SLC1A3: variants seen among roughly 807,000 people sequenced by gnomAD.
SLC1A3 encodes the protein excitatory amino acid transporter 1.
In SLC1A3, 21 loss-of-function variants were observed where a neutral mutation model predicts 48.1. That is an observed-to-expected ratio of 0.44 (90% CI 0.31 to 0.63). The LOEUF (loss-of-function observed/expected upper bound fraction) is 0.63, where lower values mean the gene tolerates loss of function less well. SLC1A3 is among the 20% of genes least tolerant of loss of function. The probability of loss-of-function intolerance (pLI) is 0.08; values close to 1 mark genes in which losing one functional copy is unlikely to be tolerated. For missense variants in SLC1A3, 546 were observed against 689.0 expected (o/e 0.79, Z 2.32); for synonymous variants, 239 against 251.4 (o/e 0.95, Z 0.47).
At chr5:36,671,426 G>A (rs1008960217) in intron 4 of SLC1A3, among the ~76,000 whole-genome samples, 193 bp downstream of exon 4, 4 of 152,132 alleles carry the variant, frequency 2.6e-5, no homozygotes, top group African/African-American at 4.8e-5. Flanking sequence ...TATGAGAGAG[G>A]CGAAAAGAGC....
intron 2 of SLC1A3, among the ~76,000 whole-genome samples, chr5:36,613,935 C>T (rs180864169): frequency 6.6e-6 from 1 of 152,206 alleles, no homozygotes; most frequent in East Asian, 1.9e-4. Flanking sequence ...ACACATGTAC[C>T]CACAGCACAC....
chr5:36,616,914 G>T (rs1310880874), intron 2 of SLC1A3, among the ~76,000 whole-genome samples: 1 of 152,120 alleles, frequency 6.6e-6, no homozygotes, highest in Non-Finnish European at 1.5e-5. Flanking sequence ...ATTTATTTTT[G>T]TTTTCTTAGA....
intron 3 of SLC1A3, among the ~76,000 whole-genome samples, chr5:36,665,823 T>C (rs1383781789): frequency 1.3e-5 from 2 of 152,174 alleles, no homozygotes; most frequent in African/African-American, 4.8e-5. Context: ...GTCTCTTAGA[T>C]TACATTCCGA....
chr5:36,601,195 GCAAA>G (rs1738803774), intron 1 of SLC1A3, among the ~76,000 whole-genome samples: 1 of 152,120 alleles, frequency 6.6e-6, no homozygotes, highest in Admixed American at 6.6e-5. Context: ...TTCTATACCA[GCAAA>G]CAGTTATAAA....
At position 36,685,213 on chromosome 5, in the gene SLC1A3, T is replaced by A. The variant is rs373309191; in HGVS notation, c.1425-852T>A. Among the ~76,000 whole-genome samples, 10 of 152,362 alleles carry A rather than the reference T, an allele frequency of 6.6e-5. No individual in the cohort carries two copies. In the East Asian group the frequency reaches 1.7e-3, roughly 26 times the overall value. Reference sequence around the variant, plus strand: ...TTATCATCTTTAAACAAAAAGGTTATATATGCTAACATAAATAGCATTTTT... The same window carrying A: ...TTATCATCTTTAAACAAAAAGGTTAAATATGCTAACATAAATAGCATTTTT... On this transcript the variant is annotated intron_variant, in intron 9 of 9. Transcript: ENST00000265113.
At chr5:36,640,749 C>T (rs1349045574) in intron 3 of SLC1A3, among the ~76,000 whole-genome samples, 1 of 152,070 alleles carries the variant, frequency 6.6e-6, no homozygotes, top group African/African-American at 2.4e-5. Context: ...CTTGTCAGTA[C>T]TGTTAAGGGA....
At chr5:36,611,006 C>G (rs1739169951) in intron 2 of SLC1A3, among the ~76,000 whole-genome samples, 1 of 152,060 alleles carries the variant, frequency 6.6e-6, no homozygotes, top group African/African-American at 2.4e-5. Context: ...AAGGAAGAAC[C>G]CTTCAGTTAT....
At chr5:36,635,708 G>A (rs578216159) in intron 3 of SLC1A3, among the ~76,000 whole-genome samples, 1 of 152,112 alleles carries the variant, frequency 6.6e-6, no homozygotes, top group Non-Finnish European at 1.5e-5. Context: ...TGGATTCCAC[G>A]GGGCAGCAAA....
chr5:36,679,109 G>A (rs1742328661), intron 6 of SLC1A3, among the ~76,000 whole-genome samples: 1 of 152,222 alleles, frequency 6.6e-6, no homozygotes, highest in African/African-American at 2.4e-5. Flanking sequence ...AGACACTGGT[G>A]TAGCATCGTG....
intron 1 of SLC1A3, among the ~76,000 whole-genome samples, chr5:36,598,578 T>A (rs1195906822): frequency 2.6e-5 from 4 of 152,238 alleles, no homozygotes; most frequent in Non-Finnish European, 5.9e-5. Context: ...AAATATAATG[T>A]GTTATATACA....
Position 36,688,142 on chromosome 5 carries a change from T to C in SLC1A3, c.*1873T>C, listed in dbSNP as rs1047267264. Reference sequence around the variant, plus strand: ...AGACACTAGTAGAGCAAAGACTTAATCATATCAACTTAATTCTGTTACACA... The same window carrying C: ...AGACACTAGTAGAGCAAAGACTTAACCATATCAACTTAATTCTGTTACACA... On this transcript the variant is annotated 3_prime_UTR_variant, in exon 10 of 10. Coordinates refer to ENST00000265113, the MANE Select transcript of SLC1A3 (RefSeq NM_004172.5). 1 of 152,182 alleles carries C rather than the reference T, an allele frequency of 6.6e-6. No homozygotes were observed. Among genetic ancestry groups the C allele is most frequent in the Admixed American group, 6.5e-5 (1 of 15,272 alleles). The allele number at this position is 152,182 out of a possible 1,614,324, so 9.4% of individuals were successfully genotyped here. A position where few individuals can be genotyped will look rare whatever the true frequency, so the allele number is the denominator to read the frequency against.
chr5:36,662,683 G>C (rs1171256538), intron 3 of SLC1A3, among the ~76,000 whole-genome samples: 1 of 152,208 alleles, frequency 6.6e-6, no homozygotes, highest in African/African-American at 2.4e-5. Flanking sequence ...GCAGCTGTGG[G>C]CCTCTGAGAA....
intron 3 of SLC1A3, among the ~76,000 whole-genome samples, chr5:36,640,834 C>G (rs1349006864): frequency 6.6e-6 from 1 of 152,006 alleles, no homozygotes; most frequent in Admixed American, 6.6e-5. Context: ...CCTCCTTCAT[C>G]TACACTGCCA....
At chr5:36,674,227 G>T in intron 5 of SLC1A3, 136 bp downstream of exon 5, 1 of 747,562 alleles carries the variant, frequency 1.3e-6, no homozygotes. Flanking sequence ...AAACACTAGC[G>T]TTTTCTAGGA....
intron 2 of SLC1A3, among the ~76,000 whole-genome samples, chr5:36,610,619 T>C (rs930201362): frequency 2.6e-5 from 4 of 152,112 alleles, no homozygotes; most frequent in African/African-American, 9.7e-5. Context: ...CCTAAGTCAT[T>C]AGTACAAAGC....
chr5:36,668,992 G>A (rs1404410490), intron 3 of SLC1A3: 1 of 152,138 alleles, frequency 6.6e-6, no homozygotes, highest in Non-Finnish European at 1.5e-5. Context: ...AGAAGAGTTG[G>A]CGTGAGAACG....
chr5:36,651,482 T>G (rs1487627096), intron 3 of SLC1A3, among the ~76,000 whole-genome samples: 1 of 152,162 alleles, frequency 6.6e-6, no homozygotes, highest in Non-Finnish European at 1.5e-5. Flanking sequence ...AAGATCAAAC[T>G]TCTCACATGG....
intron 3 of SLC1A3, among the ~76,000 whole-genome samples, chr5:36,660,130 TGTG>T (rs1484011686): frequency 2.0e-5 from 3 of 152,240 alleles, no homozygotes; most frequent in African/African-American, 7.2e-5. Flanking sequence ...ATCTACCAAT[TGTG>T]TTTGTTCCAA....
chr5:36,663,770 G>A (rs1561273642), intron 3 of SLC1A3, among the ~76,000 whole-genome samples: 1 of 152,180 alleles, frequency 6.6e-6, no homozygotes, highest in Non-Finnish European at 1.5e-5. Flanking sequence ...TAATGAGAAG[G>A]AACCTTTGAC....
Sources: gnomAD v4.1 joint callset for allele counts (sites outside exome capture counted in the v4.1 genomes callset) on GRCh38, gnomAD v4.1.1 for gene constraint, MANE v1.5 for transcripts, NCBI Gene and HGNC (gene_info 2026-07-23, HGNC 2026-07-21) for gene names.